DPYS: variants seen among roughly 807,000 people sequenced by gnomAD.
The protein encoded by DPYS is dihydropyrimidine amidohydrolase.
In DPYS, 39 loss-of-function variants were observed where a neutral mutation model predicts 50.3. That is an observed-to-expected ratio of 0.78 (90% CI 0.60 to 1.01). The LOEUF is 1.01. DPYS is among the 50% of genes least tolerant of loss of function. DPYS has a pLI of 0.00. For missense variants in DPYS, 659 were observed against 680.9 expected, an observed-to-expected ratio of 0.97 and a Z score of 0.36; for synonymous variants, 245 against 250.7, an observed-to-expected ratio of 0.98 and a Z score of 0.22.
At chr8:104,436,146 C>T (rs1408431374) in intron 4 of DPYS, among the ~76,000 whole-genome samples, 1 of 152,164 alleles carries the variant, frequency 6.6e-6, no homozygotes, top group Non-Finnish European at 1.5e-5. Context: ...TGCATTCACA[C>T]AGCAAGTTCA....
intron 2 of DPYS, among the ~76,000 whole-genome samples, chr8:104,448,071 C>T (rs1462082376): frequency 6.6e-6 from 1 of 152,144 alleles, no homozygotes; most frequent in Admixed American, 6.5e-5. Flanking sequence ...GGAGACTCCA[C>T]TCTGGATCCG....
chr8:104,450,225 T>A (rs1813690390), intron 2 of DPYS, among the ~76,000 whole-genome samples: 1 of 151,710 alleles, frequency 6.6e-6, no homozygotes, highest in African/African-American at 2.4e-5. Context: ...GGAGGGACGA[T>A]CCTAAAAGCA....
At chr8:104,449,656 A>G (rs1406490114) in intron 2 of DPYS, among the ~76,000 whole-genome samples, 1 of 152,250 alleles carries the variant, frequency 6.6e-6, no homozygotes, top group African/African-American at 2.4e-5. Context: ...TGCTGCCCTT[A>G]TATCAAGTGG....
In DPYS at chr8:104,455,279, G is replaced by T. The variant is rs576154042; in HGVS notation, c.265-3875C>A. ...CTGGGAAACGTGAACTGCATGAAGA[G>T]ACGCTCTGAGGAAGAAGATCTGGGG... is the stretch of plus-strand genomic sequence containing the variant. On this transcript the variant is annotated intron_variant, in intron 1 of 9. Transcript: ENST00000351513. Among the ~76,000 whole-genome samples, 22 of 152,290 alleles carry T rather than the reference G, an allele frequency of 1.4e-4. No homozygotes were observed. In the South Asian group the frequency reaches 4.6e-3, roughly 32 times the overall value.
intron 6 of DPYS, 23 bp from the exon 7 acceptor site, chr8:104,424,412 A>G (rs1263808892): frequency 1.9e-6 from 3 of 1,611,786 alleles, no homozygotes; most frequent in Non-Finnish European, 2.5e-6. Flanking sequence ...TCAAAGAATC[A>G]TTCTAATGAT....
At position 104,381,252 on chromosome 8, in the gene DPYS, G is replaced by A; in HGVS notation, c.1506C>T (p.Ser502=). The change falls in exon 9 of 10, where the codon TCC becomes TCT. Residue 502 remains serine, a synonymous_variant. Transcript: ENST00000351513. ...PYKGEVATLK[S]RVTKEDATAG... ...CTGTGGCATCTTCTTTTGTCACTCTGGATTTCAGTGTGGCGACTTCTCCCT... is the reference window on the plus strand; with the variant it reads ...CTGTGGCATCTTCTTTTGTCACTCTAGATTTCAGTGTGGCGACTTCTCCCT... 3 of 1,613,652 alleles carry A rather than the reference G, an allele frequency of 1.9e-6. No homozygotes were observed. Among genetic ancestry groups the A allele is most frequent in the Non-Finnish European group, 2.5e-6 (3 of 1,180,020 alleles).
intron 5 of DPYS, 172 bp downstream of exon 5, chr8:104,429,373 C>G (rs917807839): frequency 1.4e-6 from 1 of 693,332 alleles, no homozygotes; most frequent in Non-Finnish European, 2.4e-6. Flanking sequence ...CATATCACAG[C>G]ATAATTAAGT....
At chr8:104,451,083 G>A (rs892335081) in intron 2 of DPYS, among the ~76,000 whole-genome samples, 163 bp downstream of exon 2, 1 of 152,022 alleles carries the variant, frequency 6.6e-6, no homozygotes. Context: ...ATACTTCACA[G>A]AATTAAAAAT....
chr8:104,460,489 G>A (rs918155408), intron 1 of DPYS, among the ~76,000 whole-genome samples: 18 of 152,200 alleles, frequency 1.2e-4, no homozygotes, highest in Non-Finnish European at 4.4e-5. Flanking sequence ...CTGTGAAACT[G>A]TGAGTCAATT....
At chr8:104,441,673 T>G (rs2140694430) in intron 4 of DPYS, among the ~76,000 whole-genome samples, 1 of 152,346 alleles carries the variant, frequency 6.6e-6, no homozygotes, top group Middle Eastern at 3.4e-3. Flanking sequence ...GATGCAGCCC[T>G]GCAGACACCT....
chr8:104,389,100 C>A (rs1588397928), intron 8 of DPYS, among the ~76,000 whole-genome samples: 1 of 152,182 alleles, frequency 6.6e-6, no homozygotes, highest in South Asian at 2.1e-4. Flanking sequence ...AGCCAGGAGA[C>A]CAGCTGAGTT....
At chr8:104,427,758 G>A (rs539089520) in intron 6 of DPYS, among the ~76,000 whole-genome samples, 6 of 152,232 alleles carry the variant, frequency 3.9e-5, no homozygotes, top group South Asian at 4.2e-4. Flanking sequence ...GCGATGCATC[G>A]TCTAAACTAA....
chr8:104,425,828 A>G (rs1812704009), intron 6 of DPYS, among the ~76,000 whole-genome samples: 2 of 152,150 alleles, frequency 1.3e-5, no homozygotes, highest in Admixed American at 6.5e-5. Flanking sequence ...CTAAAGGTTT[A>G]TTTAATTATC....
At chr8:104,411,517 C>A (rs1812174873) in intron 7 of DPYS, among the ~76,000 whole-genome samples, 1 of 151,904 alleles carries the variant, frequency 6.6e-6, no homozygotes. Flanking sequence ...GTGGAGGGCT[C>A]ACGGGAAGAA....
At position 104,409,508 on chromosome 8, in the gene DPYS, T is replaced by TA. The variant is rs548815088; in HGVS notation, c.1235+14738dup. 5.3e-4 allele frequency among the ~76,000 whole-genome samples: 80 copies of TA among 152,072 alleles called. 1 individual carries two copies. The highest frequency in any genetic ancestry group is 4.5e-3 in the East Asian group (23 of 5,162). On this transcript the variant is annotated intron_variant, in intron 7 of 9. Coordinates refer to ENST00000351513, the MANE Select transcript of DPYS (RefSeq NM_001385.3). ...TAATTAAATAAAATTTAAAAAATCT[T>TA]AAAAAAATACAAACTAAATATGCAG...
chr8:104,450,613 G>T (rs776939263), intron 2 of DPYS, among the ~76,000 whole-genome samples: 16 of 152,134 alleles, frequency 1.1e-4, no homozygotes, highest in Non-Finnish European at 2.1e-4. Context: ...TTCTGCCATG[G>T]CCTGGGCAAT....
chr8:104,430,744 A>G (rs948232321), intron 4 of DPYS, among the ~76,000 whole-genome samples: 2 of 152,174 alleles, frequency 1.3e-5, no homozygotes, highest in African/African-American at 4.8e-5. Flanking sequence ...AATTTGAAAA[A>G]CCATGAAAGC....
chr8:104,451,424 T>C lies in DPYS; in HGVS notation c.265-20A>G, dbSNP rs1420040427. 1.9e-6 allele frequency: 3 copies of C among 1,613,788 alleles called. No individual in the cohort carries two copies. The African/African-American group carries it at 4.0e-5, about 22-fold the overall frequency. On this transcript the variant is annotated intron_variant, in intron 1 of 9. Transcript: ENST00000351513. ...AGCAGCCTGGAATCATAAGAGGTTT[T>C]CAACAAATTAGCTATCAATTTCCTA... is the stretch of plus-strand genomic sequence containing the variant.
intron 7 of DPYS, among the ~76,000 whole-genome samples, chr8:104,411,123 T>C (rs181116226): frequency 1.3e-5 from 2 of 152,350 alleles, no homozygotes; most frequent in Admixed American, 1.3e-4. Context: ...TATCCTTCAC[T>C]ATGTTTATAT....
Sources: gnomAD v4.1 joint callset for allele counts (sites outside exome capture counted in the v4.1 genomes callset) on GRCh38, gnomAD v4.1.1 for gene constraint, MANE v1.5 for transcripts, NCBI Gene and HGNC (gene_info 2026-07-23, HGNC 2026-07-21) for gene names.